The following PHEX variants were observed in gnomAD, a reference collection of about 807,000 sequenced individuals.
The protein encoded by PHEX is phosphate regulating endopeptidase X-linked.
Under a neutral mutation model 68.0 loss-of-function variants are expected in PHEX, and 16 were observed. That is an observed-to-expected ratio of 0.24 (90% CI 0.16 to 0.36). The LOEUF (loss-of-function observed/expected upper bound fraction) is 0.36, where lower values mean the gene tolerates loss of function less well. Ranked by LOEUF, PHEX falls within the 10% of genes least tolerant of loss-of-function variation. PHEX has a pLI of 1.00. For missense variants in PHEX, 480 were observed against 575.5 expected (o/e 0.83, Z 1.70); for synonymous variants, 208 against 205.1 (o/e 1.01, Z -0.12).
At chrX:22,042,846 A>G (rs1927349908) in intron 2 of PHEX, among the ~76,000 whole-genome samples, 1 of 111,931 alleles carries the variant, frequency 8.9e-6, no homozygotes, top group South Asian at 3.7e-4. Context: ...GAAAATAATA[A>G]TGGTAGTAGC....
chrX:22,037,049 A>G lies in PHEX; in HGVS notation c.119-1420A>G, dbSNP rs767185128. Among the ~76,000 whole-genome samples, 7 of 106,283 alleles carry G rather than the reference A, an allele frequency of 6.6e-5. No individual in the cohort carries two copies. In the South Asian group the frequency reaches 1.3e-3, roughly 20 times the overall value. 92.3% of individuals were successfully genotyped at this position (106,283 alleles called of 115,157 possible). On this transcript the variant is annotated intron_variant, in intron 1 of 21. Transcript: ENST00000379374. ...GGGAGGCAGAGCTTGCAGTGAGCCA[A>G]GATCACCCCACTGCACTCCAGCCTG...
intron 3 of PHEX, 41 bp downstream of exon 3, chrX:22,047,252 G>T (rs1400873547): frequency 9.2e-6 from 10 of 1,081,314 alleles, no homozygotes; most frequent in Middle Eastern, 2.4e-4. Flanking sequence ...TTTATAGAGA[G>T]CAATATTTGA....
chrX:22,085,624 C>A (rs1289848122), intron 5 of PHEX, among the ~76,000 whole-genome samples: 2 of 110,144 alleles, frequency 1.8e-5, no homozygotes, highest in African/African-American at 6.6e-5. Flanking sequence ...TCCAAGTTTC[C>A]TCTTATTATT....
intron 5 of PHEX, among the ~76,000 whole-genome samples, chrX:22,079,636 A>C (rs184216181): frequency 6.3e-5 from 7 of 111,408 alleles, no homozygotes; most frequent in African/African-American, 2.3e-4. Flanking sequence ...TCAATCTCCA[A>C]ATAAAAATCA....
chrX:22,060,318 G>A (rs1928306793), intron 3 of PHEX, among the ~76,000 whole-genome samples: 1 of 111,652 alleles, frequency 9.0e-6, no homozygotes, highest in South Asian at 3.7e-4. Context: ...GAAGACAGGG[G>A]CTGTTGATTG....
intron 3 of PHEX, among the ~76,000 whole-genome samples, chrX:22,061,658 T>C (rs1928369655): frequency 9.0e-6 from 1 of 111,436 alleles, no homozygotes; most frequent in Non-Finnish European, 1.9e-5. Flanking sequence ...ATTTTACAGA[T>C]GAGAAGACAG....
rs573505920 is a variant in PHEX, at chrX:22,063,626, C to T, written c.350-12762C>T. ...TTCACAAAGCTGCCCTCACCAGAAG[C>T]GTCGCGTCCACCTTCCCACTGGACC... On this transcript the variant is annotated intron_variant, in intron 3 of 21. Coordinates refer to ENST00000379374, the MANE Select transcript of PHEX (RefSeq NM_000444.6). 3.5e-4 allele frequency among the ~76,000 whole-genome samples: 39 copies of T among 112,306 alleles called. No individual in the cohort carries two copies. In the South Asian group the frequency reaches 0.012, roughly 34 times the overall value.
chrX:22,097,066 C>G (rs780651981), intron 8 of PHEX, 28 bp downstream of exon 8: 2 of 991,436 alleles, frequency 2.0e-6, no homozygotes, highest in Non-Finnish European at 2.9e-6. Flanking sequence ...AGAAAACTTT[C>G]TCTCAACTCA....
chrX:22,249,886 C>A lies in PHEX; in HGVS notation c.*1933C>A, dbSNP rs1158529240. On this transcript the variant is annotated 3_prime_UTR_variant, in exon 22 of 22. Coordinates refer to ENST00000379374, the MANE Select transcript of PHEX (RefSeq NM_000444.6). The stretch of plus-strand genomic sequence containing the variant: ...CCCTTCTAGATTTCCTTTATAAACT[C>A]CAAATAAACACATTCCTGCAGGTCA... 9.0e-6 allele frequency: 1 copy of A among 110,990 alleles called. No homozygotes were observed. Among genetic ancestry groups the A allele is most frequent in the Non-Finnish European group, 1.9e-5 (1 of 52,994 alleles). The allele number at this position is 110,990 out of a possible 1,213,427, so 9.1% of individuals were successfully genotyped here.
intron 9 of PHEX, among the ~76,000 whole-genome samples, chrX:22,110,087 T>C (rs992700453): frequency 8.9e-6 from 1 of 112,308 alleles, no homozygotes; most frequent in Non-Finnish European, 1.9e-5. Context: ...TATTTTGCTG[T>C]TAGTTTCCAA....
In PHEX at chrX:22,228,934, A is replaced by G. The variant is rs149483319; in HGVS notation, c.2070+1323A>G. ...GTGTGATGTTCCCCTCTCTGTGTCT[A>G]TGTGTTTTCATTGTTCGACTCCCAC... On this transcript the variant is annotated intron_variant, in intron 20 of 21. Coordinates refer to ENST00000379374, the MANE Select transcript of PHEX (RefSeq NM_000444.6). 3.9e-3 allele frequency among the ~76,000 whole-genome samples: 427 copies of G among 110,778 alleles called. 2 individuals are homozygous for G. The highest frequency in any genetic ancestry group is 0.013 in the African/African-American group (398 of 30,423).
chrX:22,078,930 GA>G (rs1254759681), intron 5 of PHEX, among the ~76,000 whole-genome samples: 3 of 112,047 alleles, frequency 2.7e-5, no homozygotes, highest in Non-Finnish European at 3.8e-5. Context: ...GTGATGAAAT[GA>G]GCCATCTTCT....
chrX:22,243,758 C>T (rs963868349), intron 20 of PHEX, among the ~76,000 whole-genome samples: 10 of 111,525 alleles, frequency 9.0e-5, no homozygotes, highest in East Asian at 5.6e-4. Flanking sequence ...GTGAGAATGG[C>T]GATCATTGGA....
At chrX:22,244,863 T>G (rs376321534) in intron 20 of PHEX, among the ~76,000 whole-genome samples, 43 of 111,771 alleles carry the variant, frequency 3.8e-4, no homozygotes, top group African/African-American at 1.3e-3. Flanking sequence ...TCAAAGGAGA[T>G]GGAGAAGTGT....
intron 11 of PHEX, among the ~76,000 whole-genome samples, chrX:22,123,900 T>G (rs1384061837): frequency 1.9e-5 from 2 of 107,358 alleles, no homozygotes; most frequent in Non-Finnish European, 3.9e-5. Flanking sequence ...GGTGCGATCT[T>G]GGCTCACTGC....
intron 14 of PHEX, among the ~76,000 whole-genome samples, chrX:22,189,447 T>C (rs1934128877): frequency 9.0e-6 from 1 of 111,711 alleles, no homozygotes; most frequent in South Asian, 3.8e-4. Context: ...TTAGAAATAA[T>C]TGTACTCAGC....
chrX:22,043,181 G>C (rs1927362689), intron 2 of PHEX, among the ~76,000 whole-genome samples: 1 of 112,519 alleles, frequency 8.9e-6, no homozygotes, highest in African/African-American at 3.2e-5. Context: ...AAGAGTTTCA[G>C]ATAAGTGATT....
chrX:22,169,045 T>A (rs1933433811), intron 13 of PHEX, among the ~76,000 whole-genome samples: 1 of 112,133 alleles, frequency 8.9e-6, no homozygotes, highest in Admixed American at 9.5e-5. Flanking sequence ...CTTCCTCATT[T>A]AAAAAAACCT....
rs777860563 is a variant in PHEX at position 22,207,612 on chromosome X, ATAAC to A, written c.1646-5288_1646-5285del. 2.7e-5 allele frequency among the ~76,000 whole-genome samples: 3 copies of A among 111,514 alleles called. No individual in the cohort carries two copies. The South Asian group carries it at 1.1e-3, about 41-fold the overall frequency. ...ATGAAAAAAATAAGAAAACAAATAA[ATAAC>A]TAAAATAAGAAATAGGAGGTTTTTT... On this transcript the variant is annotated intron_variant, in intron 15 of 21. Transcript: ENST00000379374.
Sources: gnomAD v4.1 joint callset for allele counts (sites outside exome capture counted in the v4.1 genomes callset) on GRCh38, gnomAD v4.1.1 for gene constraint, MANE v1.5 for transcripts, NCBI Gene and HGNC (gene_info 2026-07-23, HGNC 2026-07-21) for gene names.